Variants in PARD3 observed in about 807,000 individuals in gnomAD.
The protein encoded by PARD3 is par-3 family cell polarity regulator, also known as partitioning defective 3 homolog.
In PARD3, 75 loss-of-function variants were observed where a neutral mutation model predicts 155.4. The observed-to-expected ratio is 0.48, with a 90% CI of 0.40 to 0.58. The LOEUF is 0.58. Ranked by LOEUF, PARD3 falls within the 20% of genes least tolerant of loss-of-function variation. The pLI, the probability that PARD3 is intolerant of heterozygous loss-of-function variation, is 0.00. For synonymous variants in PARD3, 576 were observed against 610.5 expected (o/e 0.94, Z 0.83); for missense variants, 1,642 against 1,721.7 (o/e 0.95, Z 0.82).
chr10:34,376,317 A>G (rs1159372938), intron 10 of PARD3, among the ~76,000 whole-genome samples: 1 of 152,176 alleles, frequency 6.6e-6, no homozygotes, highest in Non-Finnish European at 1.5e-5. Flanking sequence ...GGTTTTTCTG[A>G]TATGTTGAAA....
intron 4 of PARD3, among the ~76,000 whole-genome samples, chr10:34,462,777 T>A (rs1356520750): frequency 2.7e-5 from 4 of 150,908 alleles, no homozygotes; most frequent in Non-Finnish European, 5.9e-5. Flanking sequence ...AAGTTGAAAC[T>A]GCAGTAAGCC....
chr10:34,457,931 T>A (rs1418695685), intron 4 of PARD3, among the ~76,000 whole-genome samples: 1 of 152,182 alleles, frequency 6.6e-6, no homozygotes, highest in Non-Finnish European at 1.5e-5. Context: ...AATTTCCAAC[T>A]TCTCATTCTT....
rs572500866 is a variant in PARD3 at position 34,306,467 on chromosome 10, T to C, written c.3065+10640A>G. The stretch of plus-strand genomic sequence containing the variant: ...GAGTTTGAGACCAGCCTGACCAACA[T>C]GGTGAAACCCCATCTCTACTAAAAT... On this transcript the variant is annotated intron_variant, in intron 20 of 24. Coordinates refer to ENST00000374788, the MANE Select transcript of PARD3 (RefSeq NM_001184785.2). Among the ~76,000 whole-genome samples the C allele has an allele frequency of 5.9e-5, 9 of 151,996 alleles. No individual in the cohort carries two copies. In the South Asian group the frequency reaches 1.9e-3, roughly 32 times the overall value.
chr10:34,514,628 A>G (rs1181690895), intron 3 of PARD3, among the ~76,000 whole-genome samples: 1 of 152,238 alleles, frequency 6.6e-6, no homozygotes, highest in Non-Finnish European at 1.5e-5. Flanking sequence ...AGATTTGCAT[A>G]TTCTCCCACT....
chr10:34,599,056 T>C (rs1182210635), intron 2 of PARD3, among the ~76,000 whole-genome samples: 1 of 152,096 alleles, frequency 6.6e-6, no homozygotes, highest in Non-Finnish European at 1.5e-5. Flanking sequence ...ACAAGGGTCA[T>C]GCCTGAAAGC....
intron 14 of PARD3, among the ~76,000 whole-genome samples, chr10:34,357,027 A>T (rs2134465995): frequency 6.6e-6 from 1 of 152,346 alleles, no homozygotes; most frequent in Middle Eastern, 3.4e-3. Context: ...TTCATTCACA[A>T]AAATTCATAT....
intron 5 of PARD3, among the ~76,000 whole-genome samples, chr10:34,416,093 T>C (rs1209377083): frequency 2.6e-5 from 4 of 152,166 alleles, no homozygotes; most frequent in Admixed American, 6.5e-5. Flanking sequence ...CCACGAAGTC[T>C]ACGTGTATGT....
intron 22 of PARD3, among the ~76,000 whole-genome samples, chr10:34,253,532 C>T (rs1239059791): frequency 6.6e-6 from 1 of 152,176 alleles, no homozygotes; most frequent in Non-Finnish European, 1.5e-5. Context: ...CTGGTTGCTA[C>T]CTTGGAGGGT....
chr10:34,703,051 G>A (rs138308845), intron 1 of PARD3, among the ~76,000 whole-genome samples: 16 of 152,232 alleles, frequency 1.1e-4, no homozygotes, highest in Non-Finnish European at 1.6e-4. Flanking sequence ...GAAACGTGGT[G>A]AGAGAGAATT....
chr10:34,795,295 C>A (rs1019363684), intron 1 of PARD3, among the ~76,000 whole-genome samples: 1 of 152,132 alleles, frequency 6.6e-6, no homozygotes, highest in African/African-American at 2.4e-5. Context: ...GGGAGATGCC[C>A]AATTCCAGTT....
At chr10:34,682,343 C>T (rs909210938) in intron 2 of PARD3, among the ~76,000 whole-genome samples, 1 of 147,140 alleles carries the variant, frequency 6.8e-6, no homozygotes, top group South Asian at 2.1e-4. Flanking sequence ...TGCTTGAACC[C>T]GGGAGGTGGA....
chr10:34,337,933 A>G (rs1836371903), intron 16 of PARD3, among the ~76,000 whole-genome samples: 1 of 152,270 alleles, frequency 6.6e-6, no homozygotes. Flanking sequence ...ATGCCATTTC[A>G]TAAGGCTGCA....
chr10:34,456,770 T>A (rs998473225), intron 4 of PARD3, among the ~76,000 whole-genome samples: 2 of 152,220 alleles, frequency 1.3e-5, no homozygotes, highest in Non-Finnish European at 2.9e-5. Flanking sequence ...TTAAAGGTAT[T>A]ATCCATAGTT....
chr10:34,356,798 T>C (rs1026591558), intron 14 of PARD3, among the ~76,000 whole-genome samples: 2 of 152,262 alleles, frequency 1.3e-5, no homozygotes, highest in Non-Finnish European at 2.9e-5. Flanking sequence ...TCTGTCTTCA[T>C]GTAATTCTTT....
At chr10:34,735,679 GAA>G (rs1011506745) in intron 1 of PARD3, among the ~76,000 whole-genome samples, 39 of 152,062 alleles carry the variant, frequency 2.6e-4, no homozygotes, top group African/African-American at 8.7e-4. Context: ...TGATTTATCT[GAA>G]AAGATTCTCA....
intron 22 of PARD3, among the ~76,000 whole-genome samples, chr10:34,136,386 T>TG (rs1947898546): frequency 6.6e-6 from 1 of 152,208 alleles, no homozygotes; most frequent in Non-Finnish European, 1.5e-5. Context: ...TAATTCTTCA[T>TG]GGATTAAAAA....
chr10:34,337,263 G>T lies in PARD3; in HGVS notation c.2560+12C>A. 1 of 1,531,340 alleles carries T rather than the reference G, an allele frequency of 6.5e-7. No homozygotes were observed. The highest frequency in any genetic ancestry group is 1.2e-5 in the South Asian group (1 of 80,900). The allele number at this position is 1,531,340 out of a possible 1,614,324, so 94.9% of individuals were successfully genotyped here. ...ACTTATTTAGATAAAGATTCATGGA[G>T]ATTGTACTCACTACCTAAATCCATG... On this transcript the variant is annotated intron_variant, in intron 17 of 24. Transcript: ENST00000374788.
At chr10:34,381,997 A>T (rs1297318295) in intron 9 of PARD3, among the ~76,000 whole-genome samples, 4 of 151,876 alleles carry the variant, frequency 2.6e-5, no homozygotes, top group Non-Finnish European at 5.9e-5. Context: ...GAAGTAATGC[A>T]ATAATACAAG....
chr10:34,250,157 A>ACCCC (rs1564518616), intron 22 of PARD3, among the ~76,000 whole-genome samples: 1 of 148,824 alleles, frequency 6.7e-6, no homozygotes, highest in African/African-American at 2.6e-5. Context: ...CTCCCCCTCC[A>ACCCC]CACACACACA....
Sources: allele counts gnomAD v4.1 joint callset (sites outside exome capture counted in the v4.1 genomes callset), GRCh38; gene constraint gnomAD v4.1.1; transcripts MANE v1.5; gene names NCBI Gene and HGNC (gene_info 2026-07-23, HGNC 2026-07-21).